The following RXRA variants were observed in gnomAD, a reference collection of about 807,000 sequenced individuals.
RXRA encodes retinoid X receptor alpha, also known as retinoic acid receptor RXR-alpha.
A neutral mutation model predicts 44.5 loss-of-function variants in RXRA; 5 were observed. That is an observed-to-expected ratio of 0.11 (90% CI 0.06 to 0.24). RXRA has a LOEUF of 0.24. Ranked by LOEUF, RXRA falls within the 10% of genes least tolerant of loss-of-function variation. The probability of loss-of-function intolerance (pLI) is 1.00; values close to 1 mark genes in which losing one functional copy is unlikely to be tolerated. For synonymous variants in RXRA, 291 were observed against 271.4 expected (o/e 1.07, Z -0.71); for missense variants, 412 against 646.5 (o/e 0.64, Z 3.93).
intron 1 of RXRA, among the ~76,000 whole-genome samples, chr9:134,383,977 A>G (rs1432633334): frequency 2.0e-5 from 3 of 152,148 alleles, no homozygotes; most frequent in African/African-American, 7.2e-5. Context: ...TTGTGTTGTT[A>G]TTATGAGACT....
chr9:134,420,572 C>T (rs930314510), intron 5 of RXRA, among the ~76,000 whole-genome samples: 2 of 152,252 alleles, frequency 1.3e-5, no homozygotes, highest in African/African-American at 2.4e-5. Flanking sequence ...CCTTTCCCGC[C>T]GGGCGCTGCG....
At chr9:134,425,191 C>T in intron 6 of RXRA, 1 of 985,404 alleles carries the variant, frequency 1.0e-6, no homozygotes, top group Non-Finnish European at 1.2e-6. Context: ...GTGGAGGATT[C>T]CAGCCAGGCT....
intron 1 of RXRA, among the ~76,000 whole-genome samples, chr9:134,356,017 C>T (rs568011192): frequency 1.3e-5 from 2 of 152,138 alleles, no homozygotes; most frequent in Admixed American, 1.3e-4. Context: ...CCAAGAGTAG[C>T]GGCAGGGAGG....
At chr9:134,345,865 G>T (rs1480334198) in intron 1 of RXRA, among the ~76,000 whole-genome samples, 4 of 152,206 alleles carry the variant, frequency 2.6e-5, no homozygotes, top group Non-Finnish European at 5.9e-5. Flanking sequence ...GATGAACATG[G>T]AATGGGTACC....
intron 6 of RXRA, chr9:134,423,294 C>G: frequency 2.0e-6 from 2 of 985,450 alleles, no homozygotes; most frequent in Non-Finnish European, 2.4e-6. Context: ...CCCCCTGGGC[C>G]CAAGAAGCCA....
intron 6 of RXRA, chr9:134,425,447 C>T (rs1831416087): frequency 1.0e-6 from 1 of 984,838 alleles, no homozygotes; most frequent in African/African-American, 1.8e-5. Flanking sequence ...CACCTGCCCC[C>T]TTCATCCCAG....
At chr9:134,328,642 C>T (rs1834953005) in intron 1 of RXRA, among the ~76,000 whole-genome samples, 1 of 152,206 alleles carries the variant, frequency 6.6e-6, no homozygotes, top group South Asian at 2.1e-4. Flanking sequence ...GTCGAAGGTC[C>T]ATTTAAGCGG....
chr9:134,398,689 A>G (rs893318242), intron 1 of RXRA, among the ~76,000 whole-genome samples: 1 of 152,218 alleles, frequency 6.6e-6, no homozygotes, highest in Non-Finnish European at 1.5e-5. Context: ...CCCAGATTAC[A>G]TCTGGAGCAG....
chr9:134,326,701 G>A (rs1834917330), intron 1 of RXRA, 42 bp downstream of exon 1: 2 of 592,998 alleles, frequency 3.4e-6, no homozygotes, highest in Non-Finnish European at 4.2e-6. Context: ...GCCGGGGGCC[G>A]GGGGCCGGCG....
Position 134,417,103 on chromosome 9 carries a change from TG to T in RXRA, c.611-52del. 1 of 1,557,246 alleles carries T rather than the reference TG, an allele frequency of 6.4e-7. No homozygotes were observed. On this transcript the variant is annotated intron_variant, in intron 4 of 9. Coordinates refer to ENST00000481739, the MANE Select transcript of RXRA (RefSeq NM_002957.6). The surrounding 1 kb of genome is among the most constrained non-coding windows in gnomAD (Gnocchi z 6.1). ...ACCACCCGGCCAGGACAGCCTTCCC[TG>T]GGAGCCACTGGCCGGGCTGAGCGTG...
chr9:134,374,623 C>T (rs1045958171), intron 1 of RXRA, among the ~76,000 whole-genome samples: 1 of 152,266 alleles, frequency 6.6e-6, no homozygotes, highest in African/African-American at 2.4e-5. Context: ...ATGCCGTTCC[C>T]TCTGTCTACC....
intron 1 of RXRA, among the ~76,000 whole-genome samples, chr9:134,398,100 C>G (rs1315966798): frequency 2.0e-5 from 3 of 152,172 alleles, no homozygotes; most frequent in Non-Finnish European, 4.4e-5. Flanking sequence ...CTGTCTCAGC[C>G]TCCCAAGTAG....
chr9:134,369,628 C>T (rs1830466412), intron 1 of RXRA, among the ~76,000 whole-genome samples: 1 of 151,950 alleles, frequency 6.6e-6, no homozygotes, highest in Non-Finnish European at 1.5e-5. Context: ...CTTTGTGTCC[C>T]CTCCAGCCCC....
At chr9:134,424,634 C>T (rs1456559015) in intron 6 of RXRA, 1 of 985,336 alleles carries the variant, frequency 1.0e-6, no homozygotes, top group Non-Finnish European at 1.2e-6. Context: ...AGGTGGTCTC[C>T]CCAAGCCCCA....
chr9:134,391,061 T>G (rs1440575238), intron 1 of RXRA, among the ~76,000 whole-genome samples: 1 of 151,970 alleles, frequency 6.6e-6, no homozygotes, highest in Non-Finnish European at 1.5e-5. Flanking sequence ...CTGCCTATTC[T>G]AAGCACCGGT....
chr9:134,381,241 G>A (rs1357725135), intron 1 of RXRA, among the ~76,000 whole-genome samples: 7 of 152,310 alleles, frequency 4.6e-5, no homozygotes, highest in East Asian at 3.9e-4. Context: ...ATGGGAGTGC[G>A]TGGCCAGGTT....
At chr9:134,363,128 A>G (rs1230308736) in intron 1 of RXRA, among the ~76,000 whole-genome samples, 3 of 152,154 alleles carry the variant, frequency 2.0e-5, no homozygotes, top group Non-Finnish European at 2.9e-5. Context: ...GTTGGGTGCC[A>G]TGTTCTCCCT....
At chr9:134,338,955 G>GAGC (rs1830047441) in intron 1 of RXRA, among the ~76,000 whole-genome samples, 1 of 152,214 alleles carries the variant, frequency 6.6e-6, no homozygotes, top group African/African-American at 2.4e-5. Flanking sequence ...TGAGAACAAG[G>GAGC]AGCCGATTGT....
intron 1 of RXRA, among the ~76,000 whole-genome samples, chr9:134,381,480 G>C (rs1830645504): frequency 6.6e-6 from 1 of 152,126 alleles, no homozygotes; most frequent in South Asian, 2.1e-4. Context: ...CTGGTAGGAA[G>C]ACGCAGAGGG....
Sources: gnomAD v4.1 joint callset for allele counts (sites outside exome capture counted in the v4.1 genomes callset) on GRCh38, gnomAD v4.1.1 for gene constraint, Gnocchi (gnomAD v3.1) non-coding constraint, MANE v1.5 for transcripts, NCBI Gene and HGNC (gene_info 2026-07-23, HGNC 2026-07-21) for gene names.